Variants in PAH observed in about 807,000 individuals in gnomAD.
The protein encoded by PAH is phenylalanine-4-hydroxylase.
PAH carries 64 observed loss-of-function variants against 62.0 expected under a neutral mutation model. The observed-to-expected ratio is 1.03, with a 90% CI of 0.84 to 1.27. PAH has a LOEUF of 1.27. Ranked by LOEUF, PAH falls within the 50% of genes most tolerant of loss-of-function variation. The pLI is 0.00. For synonymous variants in PAH, 195 were observed against 196.2 expected (o/e 0.99, Z 0.05); for missense variants, 579 against 542.8 (o/e 1.07, Z -0.66).
chr12:102,952,540 A>G (rs1275866693), upstream of PAH, among the ~76,000 whole-genome samples: 1 of 152,190 alleles, frequency 6.6e-6, no homozygotes. Context: ...AGAGCTATAT[A>G]GATTAACGAC....
chr12:102,896,058 CAG>C (rs1216141866), intron 2 of PAH, among the ~76,000 whole-genome samples: 1 of 151,932 alleles, frequency 6.6e-6, no homozygotes, highest in Admixed American at 6.6e-5. Flanking sequence ...AAACAACAAA[CAG>C]AAACTCATTT....
chr12:102,926,476 C>T (rs548904786), intron 1 of PAH, among the ~76,000 whole-genome samples: 16 of 151,852 alleles, frequency 1.1e-4, no homozygotes, highest in South Asian at 1.0e-3. Flanking sequence ...GAAGTAGGCA[C>T]GACAAATTCA....
chr12:102,839,281 C>T lies in PAH; in HGVS notation c.1316-63G>A, dbSNP rs137986151. ...TAATAAGCAAAAACTCTTCAAGTGTCCTCAGTGCAAAGCACTAGGGGATAA... is the reference window on the plus strand; with the variant it reads ...TAATAAGCAAAAACTCTTCAAGTGTTCTCAGTGCAAAGCACTAGGGGATAA... On this transcript the variant is annotated intron_variant, in intron 12 of 12. Transcript: ENST00000553106. 110 of 1,524,426 alleles carry T rather than the reference C, an allele frequency of 7.2e-5. No individual in the cohort carries two copies. In the African/African-American group the frequency reaches 1.3e-3, roughly 18 times the overall value. The allele number at this position is 1,524,426 out of a possible 1,614,324, so 94.4% of individuals were successfully genotyped here. A position where few individuals can be genotyped will look rare whatever the true frequency, so the allele number is the denominator to read the frequency against.
At chr12:102,884,933 A>G (rs1429347178) in intron 3 of PAH, among the ~76,000 whole-genome samples, 1 of 152,196 alleles carries the variant, frequency 6.6e-6, no homozygotes, top group Non-Finnish European at 1.5e-5. Flanking sequence ...TTCACTGATG[A>G]GCAAATAGGC....
chr12:102,930,997 G>A (rs1441154116), intron 1 of PAH, among the ~76,000 whole-genome samples: 1 of 152,022 alleles, frequency 6.6e-6, no homozygotes, highest in East Asian at 1.9e-4. Flanking sequence ...TCTCTCTGAA[G>A]ATAATGAAAG....
At chr12:102,858,408 A>G (rs898482751) in intron 5 of PAH, among the ~76,000 whole-genome samples, 1 of 152,242 alleles carries the variant, frequency 6.6e-6, no homozygotes, top group Non-Finnish European at 1.5e-5. Flanking sequence ...TCAACATTAG[A>G]CAGATCAACA....
chr12:102,937,228 C>A (rs189695275), intron 1 of PAH, among the ~76,000 whole-genome samples: 1 of 152,172 alleles, frequency 6.6e-6, no homozygotes, highest in Non-Finnish European at 1.5e-5. Flanking sequence ...AGAACTAATA[C>A]TGAGAGTTTA....
intron 5 of PAH, among the ~76,000 whole-genome samples, chr12:102,858,424 G>T (rs1414787731): frequency 6.6e-6 from 1 of 152,202 alleles, no homozygotes; most frequent in Non-Finnish European, 1.5e-5. Flanking sequence ...CAACAAGAAA[G>T]AAAGTTAACA....
At chr12:102,902,340 T>C (rs1263285288) in intron 2 of PAH, among the ~76,000 whole-genome samples, 1 of 152,184 alleles carries the variant, frequency 6.6e-6, no homozygotes, top group Non-Finnish European at 1.5e-5. Context: ...GAACTTTGTT[T>C]GGTTTTCACT....
At chr12:102,851,857 C>T (rs1023693710) in intron 7 of PAH, 101 bp from the exon 8 acceptor site, 2 of 849,180 alleles carry the variant, frequency 2.4e-6, no homozygotes, top group Middle Eastern at 4.4e-4. Flanking sequence ...ATGGAAATAA[C>T]TCTTTTAGGC....
intron 3 of PAH, among the ~76,000 whole-genome samples, chr12:102,880,018 C>G (rs370176252): frequency 1.3e-5 from 2 of 152,280 alleles, no homozygotes; most frequent in East Asian, 3.9e-4. Context: ...CTGCAACAGT[C>G]CTTTGAGGTA....
intron 4 of PAH, among the ~76,000 whole-genome samples, chr12:102,867,982 G>T (rs7488136): frequency 1.8e-3 from 123 of 69,942 alleles, no homozygotes; most frequent in African/African-American, 4.7e-3. Flanking sequence ...TGTATATATA[G>T]ATGTATATTA....
At chr12:102,923,692 G>A (rs1047333466) in intron 1 of PAH, 9 of 152,134 alleles carry the variant, frequency 5.9e-5, no homozygotes, top group African/African-American at 2.2e-4. Flanking sequence ...TGTTATTTCT[G>A]TGAACTGTCT....
At chr12:102,855,041 T>A (rs767993244) in intron 6 of PAH, 95 bp downstream of exon 6, 2 of 989,008 alleles carry the variant, frequency 2.0e-6, no homozygotes, top group East Asian at 4.8e-5. Context: ...CATGCTTTCA[T>A]ACTTGCCTCC....
intron 2 of PAH, chr12:102,904,691 TTTA>T (rs780333169): frequency 2.1e-6 from 1 of 469,496 alleles, no homozygotes; most frequent in East Asian, 5.6e-5. Flanking sequence ...TTAATTTCAT[TTTA>T]TAGGGTCCAG....
At chr12:102,866,377 GT>G (rs1263018438) in intron 5 of PAH, among the ~76,000 whole-genome samples, 1 of 152,072 alleles carries the variant, frequency 6.6e-6, no homozygotes, top group African/African-American at 2.4e-5. Context: ...GGGTAATTTT[GT>G]TTTGTCTAGC....
rs1265396820 is a variant in PAH, at chr12:102,897,463, GTGTATATATA to G, written c.169-2555_169-2546del. Reference sequence around the variant, plus strand: ...AACTCTCATATATATGTGTGTGTGTGTGTATATATATATATATATATATATATATAATTCA... The same window carrying G: ...AACTCTCATATATATGTGTGTGTGTGTATATATATATATATATATAATTCA... On this transcript the variant is annotated intron_variant, in intron 2 of 12. Transcript: ENST00000553106. 1.4e-3 allele frequency among the ~76,000 whole-genome samples: 150 copies of G among 105,582 alleles called. 2 individuals are homozygous for G. Among genetic ancestry groups the G allele is most frequent in the African/African-American group, 4.9e-3 (139 of 28,574 alleles). 69.3% of individuals were successfully genotyped at this position (105,582 alleles called of 152,430 possible). A position where few individuals can be genotyped will look rare whatever the true frequency, so the allele number is the denominator to read the frequency against.
chr12:102,844,720 G>A (rs1422504294), intron 9 of PAH, among the ~76,000 whole-genome samples: 2 of 152,152 alleles, frequency 1.3e-5, no homozygotes, highest in Non-Finnish European at 2.9e-5. Flanking sequence ...AGGACACCCT[G>A]TTTCTCCTAC....
At position 102,877,482 on chromosome 12, in the gene PAH, C is replaced by A; in HGVS notation, c.421G>T (p.Glu141Ter). 3 of 1,613,948 alleles carry A rather than the reference C, an allele frequency of 1.9e-6. No individual in the cohort carries two copies. The South Asian group carries it at 3.3e-5, about 18-fold the overall frequency. ...FANQILSYGA[E>*]LDADHPGFKD... ...CTCACAGGGTGGTCAGCATCCAGTTCCGCTCCATAGCTGAGAATCTGATTG... is the reference window on the plus strand; with the variant it reads ...CTCACAGGGTGGTCAGCATCCAGTTACGCTCCATAGCTGAGAATCTGATTG... Residue 141 changes from glutamate to a stop codon, truncating the protein, a stop_gained, in exon 4 of 13, where the codon GAA becomes TAA. Coordinates refer to ENST00000553106, the MANE Select transcript of PAH (RefSeq NM_000277.3). LOFTEE classifies it high-confidence loss of function.
Sources: gnomAD v4.1 joint callset for allele counts (sites outside exome capture counted in the v4.1 genomes callset) on GRCh38, gnomAD v4.1.1 for gene constraint, MANE v1.5 for transcripts, NCBI Gene and HGNC (gene_info 2026-07-23, HGNC 2026-07-21) for gene names.